VWA8: variants seen among roughly 807,000 people sequenced by gnomAD.
VWA8 encodes von Willebrand factor A domain containing 8, also known as von Willebrand factor A domain-containing protein 8.
VWA8 carries 221 observed loss-of-function variants against 241.5 expected under a neutral mutation model. The observed-to-expected ratio is 0.91, with a 90% CI of 0.82 to 1.02. The LOEUF (loss-of-function observed/expected upper bound fraction) is 1.02, where lower values mean the gene tolerates loss of function less well. Among genes scored for constraint, VWA8 ranks in the 50% least tolerant of loss-of-function variants. VWA8 has a pLI of 0.00. For synonymous variants in VWA8, 852 were observed against 827.1 expected, an observed-to-expected ratio of 1.03 and a Z score of -0.52; for missense variants, 2,322 against 2,328.7, an observed-to-expected ratio of 1.00 and a Z score of 0.06.
intron 1 of VWA8, among the ~76,000 whole-genome samples, chr13:41,959,797 CG>C: frequency 6.6e-6 from 1 of 151,350 alleles, no homozygotes; most frequent in East Asian, 1.9e-4. Context: ...TTAGTAGACA[CG>C]GGGGTTTCAC....
intron 40 of VWA8, among the ~76,000 whole-genome samples, chr13:41,594,840 G>A (rs1887744): frequency 0.31 from 46,422 of 152,154 alleles, 7,910 homozygotes; most frequent in Non-Finnish European, 0.39. Flanking sequence ...CACTATAAGC[G>A]AAGCAAGATT....
At chr13:41,647,522 ATT>A (rs1358668741) in intron 37 of VWA8, among the ~76,000 whole-genome samples, 1 of 152,188 alleles carries the variant, frequency 6.6e-6, no homozygotes, top group Admixed American at 6.5e-5. Flanking sequence ...ATATATATTT[ATT>A]TCATTCATTT....
intron 12 of VWA8, among the ~76,000 whole-genome samples, chr13:41,835,394 T>G (rs550883968): frequency 1.3e-5 from 2 of 152,234 alleles, no homozygotes; most frequent in African/African-American, 4.8e-5. Context: ...TTGTCAAAAT[T>G]TGTTCTTTTT....
chr13:41,626,574 T>C (rs1338335073), intron 37 of VWA8, among the ~76,000 whole-genome samples: 3 of 152,052 alleles, frequency 2.0e-5, no homozygotes, highest in Non-Finnish European at 4.4e-5. Flanking sequence ...AACAGACACA[T>C]ACATTAATGG....
At chr13:41,840,505 T>G (rs1390381278) in intron 12 of VWA8, among the ~76,000 whole-genome samples, 1 of 151,890 alleles carries the variant, frequency 6.6e-6, no homozygotes, top group Non-Finnish European at 1.5e-5. Flanking sequence ...TGCTTGTAAT[T>G]CTAGCACTTT....
chr13:41,573,527 GTA>G (rs71086586), intron 43 of VWA8, among the ~76,000 whole-genome samples: 4 of 134,298 alleles, frequency 3.0e-5, no homozygotes, highest in Non-Finnish European at 4.6e-5. Context: ...ATATATACGT[GTA>G]TATATATATA....
intron 42 of VWA8, among the ~76,000 whole-genome samples, chr13:41,579,935 C>T (rs2044371804): frequency 6.6e-6 from 1 of 152,176 alleles, no homozygotes; most frequent in African/African-American, 2.4e-5. Flanking sequence ...CAGCCTCAAC[C>T]TCCTGGGCTC....
intron 7 of VWA8, 126 bp from the exon 8 acceptor site, chr13:41,886,154 C>CAATG: frequency 1.5e-6 from 1 of 669,188 alleles, no homozygotes; most frequent in Non-Finnish European, 2.5e-6. Flanking sequence ...TCTTAAGGAA[C>CAATG]AATGGTTCCG....
chr13:41,630,385 C>T (rs1593661492), intron 37 of VWA8, among the ~76,000 whole-genome samples: 3 of 152,050 alleles, frequency 2.0e-5, no homozygotes, highest in Admixed American at 2.0e-4. Context: ...CTCAGTCTCA[C>T]CCTCCATCTC....
intron 42 of VWA8, among the ~76,000 whole-genome samples, chr13:41,584,189 A>G (rs1207368059): frequency 6.6e-6 from 1 of 152,198 alleles, no homozygotes; most frequent in African/African-American, 2.4e-5. Flanking sequence ...TTTCAAATTA[A>G]AAAGTTGGGA....
intron 15 of VWA8, among the ~76,000 whole-genome samples, chr13:41,817,618 A>T (rs1870755005): frequency 6.6e-6 from 1 of 152,206 alleles, no homozygotes; most frequent in Admixed American, 6.5e-5. Flanking sequence ...CTATGATGTA[A>T]TAAATAGTAT....
At chr13:41,735,058 TTTAA>T (rs3073794) in intron 21 of VWA8, among the ~76,000 whole-genome samples, 4,300 of 152,312 alleles carry the variant, frequency 0.028, 102 homozygotes, top group East Asian at 0.11. Context: ...AAGAACAAAG[TTTAA>T]TTAAACTTAC....
intron 12 of VWA8, among the ~76,000 whole-genome samples, chr13:41,848,884 G>GCAT (rs1872403441): frequency 6.6e-6 from 1 of 152,162 alleles, no homozygotes; most frequent in Non-Finnish European, 1.5e-5. Context: ...TAAACATGAA[G>GCAT]CATCAGAGGT....
chr13:41,922,720 C>T (rs909450572), intron 2 of VWA8, among the ~76,000 whole-genome samples: 7 of 152,142 alleles, frequency 4.6e-5, no homozygotes, highest in African/African-American at 1.7e-4. Flanking sequence ...AAATGCAAAG[C>T]AAAACCACAA....
intron 17 of VWA8, among the ~76,000 whole-genome samples, chr13:41,804,639 A>G (rs955936458): frequency 6.6e-6 from 1 of 152,232 alleles, no homozygotes; most frequent in African/African-American, 2.4e-5. Context: ...ATTTATTTGT[A>G]GTATGTAAAC....
chr13:41,842,899 G>T (rs1302911939), intron 12 of VWA8, among the ~76,000 whole-genome samples: 1 of 152,170 alleles, frequency 6.6e-6, no homozygotes, highest in Non-Finnish European at 1.5e-5. Flanking sequence ...GAGTAAGGGA[G>T]CAGCCAGCAC....
chr13:41,823,435 G>C (rs962115388), intron 14 of VWA8, among the ~76,000 whole-genome samples: 1 of 152,114 alleles, frequency 6.6e-6, no homozygotes, highest in Non-Finnish European at 1.5e-5. Context: ...AAGATAACCA[G>C]AAGCCCTTTC....
At chr13:41,904,104 C>T (rs2138102255) in intron 4 of VWA8, among the ~76,000 whole-genome samples, 1 of 152,166 alleles carries the variant, frequency 6.6e-6, no homozygotes, top group East Asian at 1.9e-4. Context: ...TATATATCAT[C>T]TAAAAATATT....
Position 41,675,754 on chromosome 13 carries a change from T to TTGTAAAATGGGGATAACAACCCCAC in VWA8, c.4328-483_4328-459dup, listed in dbSNP as rs1174767519. Among the ~76,000 whole-genome samples the TTGTAAAATGGGGATAACAACCCCAC allele has an allele frequency of 3.0e-3, 451 of 152,122 alleles. 1 individual carries two copies. Among genetic ancestry groups the TTGTAAAATGGGGATAACAACCCCAC allele is most frequent in the Non-Finnish European group, 5.2e-3 (351 of 67,994 alleles). ...CCTCTCTGAGGCCTGCTTTCTTCAT[T>TTGTAAAATGGGGATAACAACCCCAC]TGTAAAATGGGGATAACAACCCCAC... On this transcript the variant is annotated intron_variant, in intron 35 of 44. Transcript: ENST00000379310.
Sources: gnomAD v4.1 joint callset for allele counts (sites outside exome capture counted in the v4.1 genomes callset) on GRCh38, gnomAD v4.1.1 for gene constraint, MANE v1.5 for transcripts, NCBI Gene and HGNC (gene_info 2026-07-23, HGNC 2026-07-21) for gene names.